The following COL5A2 variants were observed in gnomAD, a reference collection of about 807,000 sequenced individuals.
COL5A2 encodes the protein collagen alpha-2(V) chain.
A neutral mutation model predicts 208.2 loss-of-function variants in COL5A2; 23 were observed. The observed-to-expected ratio is 0.11, with a 90% CI of 0.08 to 0.16. COL5A2 has a LOEUF of 0.16. Ranked by LOEUF, COL5A2 falls within the 10% of genes least tolerant of loss-of-function variation. The pLI, the probability that COL5A2 is intolerant of heterozygous loss-of-function variation, is 1.00. For missense variants in COL5A2, 1,590 were observed against 1,956.4 expected, an observed-to-expected ratio of 0.81 and a Z score of 3.53; for synonymous variants, 625 against 628.5, an observed-to-expected ratio of 0.99 and a Z score of 0.08.
At chr2:189,408,299 A>C in the COL5A2 span, among the ~76,000 whole-genome samples, 1 of 152,210 alleles carries the variant, frequency 6.6e-6, no homozygotes, top group African/African-American at 2.4e-5. Context: ...TCAGTCTCAC[A>C]GACATTACTG....
chr2:189,062,184 A>C (rs58392214), intron 29 of COL5A2, among the ~76,000 whole-genome samples: 32 of 131,188 alleles, frequency 2.4e-4, no homozygotes, highest in African/African-American at 6.7e-4. Context: ...ACCTTAAATA[A>C]TTTTTTTTTT....
upstream of COL5A2, among the ~76,000 whole-genome samples, chr2:189,180,726 G>A (rs559801126): frequency 1.4e-4 from 22 of 152,240 alleles, no homozygotes; most frequent in African/African-American, 5.1e-4. Flanking sequence ...AGCAGATGGT[G>A]GTATTATTAG....
the COL5A2 span, among the ~76,000 whole-genome samples, chr2:189,243,874 A>G: frequency 6.6e-6 from 1 of 152,198 alleles, no homozygotes. Flanking sequence ...TCAAAATGGG[A>G]GAAATTGGCC....
At chr2:189,303,770 T>C in the COL5A2 span, among the ~76,000 whole-genome samples, 1 of 152,210 alleles carries the variant, frequency 6.6e-6, no homozygotes, top group Non-Finnish European at 1.5e-5. Flanking sequence ...CTGTAACCAA[T>C]GTCACTGTTT....
intron 1 of COL5A2, among the ~76,000 whole-genome samples, chr2:189,155,352 T>C (rs1576560853): frequency 2.5e-5 from 1 of 40,792 alleles, no homozygotes; most frequent in East Asian, 7.2e-4. Flanking sequence ...CATACTGCTC[T>C]ACATTTTGCT....
intron 45 of COL5A2, among the ~76,000 whole-genome samples, chr2:189,046,810 GT>G (rs1685677655): frequency 6.7e-6 from 1 of 149,390 alleles, no homozygotes; most frequent in Non-Finnish European, 1.5e-5. Context: ...CAACTTCAAG[GT>G]TTTGAAAAAA....
intron 1 of COL5A2, among the ~76,000 whole-genome samples, chr2:189,175,103 A>C (rs183355231): frequency 2.0e-5 from 3 of 152,166 alleles, no homozygotes; most frequent in Non-Finnish European, 4.4e-5. Context: ...TAGGGACCAT[A>C]AAACTCCTAA....
intron 1 of COL5A2, among the ~76,000 whole-genome samples, chr2:189,195,379 C>T (rs1406377519): frequency 2.0e-5 from 3 of 152,148 alleles, no homozygotes; most frequent in Non-Finnish European, 2.9e-5. Flanking sequence ...GTGAAAATGG[C>T]CATGCTGCCC....
the COL5A2 span, among the ~76,000 whole-genome samples, chr2:189,312,945 A>G: frequency 6.6e-6 from 1 of 152,194 alleles, no homozygotes; most frequent in East Asian, 1.9e-4. Flanking sequence ...GATGAGAAAG[A>G]TTCAGCACAA....
chr2:189,123,179 G>GTCTCAA (rs1687542523), intron 1 of COL5A2, among the ~76,000 whole-genome samples: 1 of 152,036 alleles, frequency 6.6e-6, no homozygotes, highest in African/African-American at 2.4e-5. Flanking sequence ...GGTCAGGCTG[G>GTCTCAA]TCTCAAACTG....
chr2:189,259,090 G>A, the COL5A2 span, among the ~76,000 whole-genome samples: 1 of 152,166 alleles, frequency 6.6e-6, no homozygotes, highest in African/African-American at 2.4e-5. Flanking sequence ...AGAGAAGTAT[G>A]TCATATCTGA....
chr2:189,322,562 A>C, the COL5A2 span, among the ~76,000 whole-genome samples: 1 of 152,214 alleles, frequency 6.6e-6, no homozygotes, highest in Middle Eastern at 3.2e-3. Flanking sequence ...TACGCAAATA[A>C]ACTAGAAAAT....
chr2:189,261,061 T>C, the COL5A2 span, among the ~76,000 whole-genome samples: 4,064 of 152,254 alleles, frequency 0.027, 71 homozygotes, highest in Admixed American at 0.044. Flanking sequence ...TTTAAATCCA[T>C]TGAATTCCTC....
At chr2:189,115,338 C>T (rs1202464370) in intron 1 of COL5A2, among the ~76,000 whole-genome samples, 1 of 151,650 alleles carries the variant, frequency 6.6e-6, no homozygotes, top group African/African-American at 2.4e-5. Context: ...TAAATTATCA[C>T]AATTGCAGCT....
chr2:189,400,641 G>T, the COL5A2 span, among the ~76,000 whole-genome samples: 1 of 151,916 alleles, frequency 6.6e-6, no homozygotes, highest in Non-Finnish European at 1.5e-5. Context: ...TTAATTATTA[G>T]TTGGTACTGC....
At chr2:189,183,759 CA>C (rs2105837220), upstream of COL5A2, among the ~76,000 whole-genome samples, 2 of 152,256 alleles carry the variant, frequency 1.3e-5, no homozygotes, top group South Asian at 4.1e-4. Context: ...CAGTTACCTA[CA>C]AAATATAATA....
intron 17 of COL5A2, among the ~76,000 whole-genome samples, chr2:189,072,615 T>C (rs1017684535): frequency 6.6e-6 from 1 of 151,872 alleles, no homozygotes; most frequent in African/African-American, 2.4e-5. Context: ...CTACTAAAAA[T>C]ACAAAAATTA....
chr2:189,398,456 T>C, the COL5A2 span, among the ~76,000 whole-genome samples: 1 of 152,162 alleles, frequency 6.6e-6, no homozygotes, highest in Non-Finnish European at 1.5e-5. Flanking sequence ...ATTTGATACA[T>C]ATAATATGGA....
Position 189,053,854 on chromosome 2 carries a change from C to G in COL5A2, c.2499+41G>C, listed in dbSNP as rs368960528. On this transcript the variant is annotated intron_variant, in intron 37 of 53. Coordinates refer to ENST00000374866, the MANE Select transcript of COL5A2 (RefSeq NM_000393.5). ...AACAAAATGATTAATTGTTTTATTG[C>G]TCAATCTCACACTAAAGAACACCAA... 1.1e-4 allele frequency: 167 copies of G among 1,508,890 alleles called. No individual in the cohort carries two copies. In the African/African-American group the frequency reaches 2.0e-3, roughly 18 times the overall value. 93.5% of individuals were successfully genotyped at this position (1,508,890 alleles called of 1,614,324 possible).
Sources: allele counts gnomAD v4.1 joint callset (sites outside exome capture counted in the v4.1 genomes callset), GRCh38; gene constraint gnomAD v4.1.1; transcripts MANE v1.5; gene names NCBI Gene and HGNC (gene_info 2026-07-23, HGNC 2026-07-21).